SFMBT1: variants seen among roughly 807,000 people sequenced by gnomAD.
The protein encoded by SFMBT1 is Scm like with four mbt domains 1, also known as scm-like with four MBT domains protein 1.
In SFMBT1, 32 loss-of-function variants were observed where a neutral mutation model predicts 108.7. The ratio of observed to expected loss-of-function variants is 0.29; its 90% CI spans 0.22 to 0.40. SFMBT1 has a LOEUF of 0.40. SFMBT1 is among the 10% of genes least tolerant of loss of function. SFMBT1 has a pLI of 1.00. For synonymous variants in SFMBT1, 348 were observed against 369.5 expected (o/e 0.94, Z 0.67); for missense variants, 816 against 1,059.6 (o/e 0.77, Z 3.19).
At chr3:53,000,681 C>G (rs1425578867) in intron 1 of SFMBT1, among the ~76,000 whole-genome samples, 1 of 149,934 alleles carries the variant, frequency 6.7e-6, no homozygotes, top group East Asian at 1.9e-4. Context: ...TAAATTAGTA[C>G]AGGTTTGTTG....
chr3:53,010,537 TG>T (rs1212244066), intron 1 of SFMBT1, among the ~76,000 whole-genome samples: 3 of 152,230 alleles, frequency 2.0e-5, no homozygotes. Flanking sequence ...ATTTTCTTAA[TG>T]TTCTTTACAC....
chr3:53,026,900 A>G (rs981795854), intron 1 of SFMBT1, among the ~76,000 whole-genome samples: 2 of 152,098 alleles, frequency 1.3e-5, no homozygotes, highest in Non-Finnish European at 2.9e-5. Flanking sequence ...TCCTGGGTTC[A>G]GCCTCCCAAG....
At position 52,920,582 on chromosome 3, in the gene SFMBT1, A is replaced by C. The variant is rs1702493894; in HGVS notation, c.1327T>G (p.Cys443Gly). ...ESMDIFPLGW[C>G]ETNGHPLSTP... Reference sequence around the variant, plus strand: ...CTGAGGGGGTGGCCGTTGGTTTCACACCAGCCCAAAGGAAATATATCCATG... The same window carrying C: ...CTGAGGGGGTGGCCGTTGGTTTCACCCCAGCCCAAAGGAAATATATCCATG... The change falls in exon 12 of 21, where the codon TGT becomes GGT. Residue 443 changes from cysteine (C) to glycine (G), a missense_variant. By Grantham distance (159) the Cys-to-Gly change is radical. Around this residue, in one of 5 missense-constraint regions of SFMBT1, gnomAD observed 495 missense variants for 607.4 expected, o/e 0.81. Coordinates refer to ENST00000394752, the MANE Select transcript of SFMBT1 (RefSeq NM_016329.4). 1.2e-6 allele frequency: 2 copies of C among 1,614,172 alleles called. No homozygotes were observed. The highest frequency in any genetic ancestry group is 1.7e-6 in the Non-Finnish European group (2 of 1,180,038).
intron 4 of SFMBT1, among the ~76,000 whole-genome samples, chr3:52,938,276 T>C (rs1703080081): frequency 6.6e-6 from 1 of 152,244 alleles, no homozygotes; most frequent in African/African-American, 2.4e-5. Context: ...GTATGCCCAG[T>C]AACACTTATT....
At chr3:52,966,214 G>C (rs1331479534) in intron 2 of SFMBT1, among the ~76,000 whole-genome samples, 2 of 149,616 alleles carry the variant, frequency 1.3e-5, no homozygotes, top group Non-Finnish European at 3.0e-5. Context: ...CTACTCGGGA[G>C]GCTGAGGCAG....
intron 16 of SFMBT1, among the ~76,000 whole-genome samples, chr3:52,911,661 A>C (rs1702215841): frequency 6.6e-6 from 1 of 152,228 alleles, no homozygotes; most frequent in Non-Finnish European, 1.5e-5. Flanking sequence ...ATCTAATAAC[A>C]AAAATTGTTC....
At chr3:52,987,480 G>A (rs529321122) in intron 1 of SFMBT1, among the ~76,000 whole-genome samples, 9 of 152,214 alleles carry the variant, frequency 5.9e-5, no homozygotes, top group African/African-American at 1.9e-4. Flanking sequence ...TGGGACCACC[G>A]TCATATATAC....
chr3:53,014,514 AACAAAAC>A (rs1372907676), intron 1 of SFMBT1, among the ~76,000 whole-genome samples: 7 of 131,306 alleles, frequency 5.3e-5, no homozygotes, highest in Admixed American at 1.5e-4. Context: ...AACAAAACAA[AACAAAAC>A]AGTTTCTAGA....
At chr3:52,939,867 C>T (rs1445575855) in intron 4 of SFMBT1, among the ~76,000 whole-genome samples, 1 of 151,842 alleles carries the variant, frequency 6.6e-6, no homozygotes, top group Non-Finnish European at 1.5e-5. Flanking sequence ...CCAGTTCTTG[C>T]CTAAGTTTTA....
At chr3:53,004,433 C>T (rs1379031211) in intron 1 of SFMBT1, among the ~76,000 whole-genome samples, 1 of 149,480 alleles carries the variant, frequency 6.7e-6, no homozygotes, top group African/African-American at 2.4e-5. Flanking sequence ...CTACCATGCC[C>T]AGTTAATTTT....
chr3:52,995,293 A>C (rs1323804451), intron 1 of SFMBT1, among the ~76,000 whole-genome samples: 1 of 150,200 alleles, frequency 6.7e-6, no homozygotes, highest in African/African-American at 2.4e-5. Context: ...ATACATAAAA[A>C]CTCAAAATGG....
chr3:53,035,167 CAT>C, intron 1 of SFMBT1, among the ~76,000 whole-genome samples: 1 of 151,884 alleles, frequency 6.6e-6, no homozygotes, highest in African/African-American at 2.4e-5. Flanking sequence ...AAGGATTCCG[CAT>C]GCCTTCCTGA....
intron 1 of SFMBT1, among the ~76,000 whole-genome samples, chr3:53,023,873 T>G (rs1699397199): frequency 1.3e-5 from 2 of 152,184 alleles, no homozygotes; most frequent in African/African-American, 4.8e-5. Context: ...CCCTCCAAAT[T>G]CAAAATTTAT....
chr3:52,925,200 G>A (rs11705797), intron 10 of SFMBT1, among the ~76,000 whole-genome samples: 14,761 of 152,242 alleles, frequency 0.097, 807 homozygotes, highest in Non-Finnish European at 0.13. Context: ...CAGCCTGGGT[G>A]ACAGAGCAAG....
chr3:52,949,113 A>G (rs1703481562), intron 3 of SFMBT1, among the ~76,000 whole-genome samples: 1 of 152,118 alleles, frequency 6.6e-6, no homozygotes, highest in East Asian at 1.9e-4. Flanking sequence ...CTAAGTAACT[A>G]GGGACTTTCC....
chr3:52,993,988 G>A (rs1425150831), intron 1 of SFMBT1, among the ~76,000 whole-genome samples: 1 of 150,226 alleles, frequency 6.7e-6, no homozygotes, highest in Non-Finnish European at 1.5e-5. Context: ...GATATATACA[G>A]TCTATGACTG....
At chr3:52,998,006 T>C (rs1698399909) in intron 1 of SFMBT1, among the ~76,000 whole-genome samples, 2 of 150,652 alleles carry the variant, frequency 1.3e-5, no homozygotes, top group African/African-American at 4.8e-5. Flanking sequence ...TCACCTTAGA[T>C]GTATAGTTCT....
chr3:53,017,427 G>GTAC (rs1275233260), intron 1 of SFMBT1, among the ~76,000 whole-genome samples: 1 of 152,024 alleles, frequency 6.6e-6, no homozygotes, highest in Non-Finnish European at 1.5e-5. Context: ...TACCTGCTAG[G>GTAC]TACTGTTCCA....
chr3:52,972,751 A>ACACACG (rs1172426928), intron 1 of SFMBT1, among the ~76,000 whole-genome samples: 1 of 135,824 alleles, frequency 7.4e-6, no homozygotes, highest in African/African-American at 3.2e-5. Flanking sequence ...CTAAACACAC[A>ACACACG]CACACACACA....
Sources: gnomAD v4.1 joint callset for allele counts (sites outside exome capture counted in the v4.1 genomes callset) on GRCh38, gnomAD v4.1.1 for gene constraint, gnomAD v4.1.1 regional missense constraint, MANE v1.5 for transcripts, NCBI Gene and HGNC (gene_info 2026-07-23, HGNC 2026-07-21) for gene names.